The following PABPC4L variants were observed in gnomAD, a reference collection of about 807,000 sequenced individuals.
The protein encoded by PABPC4L is polyadenylate-binding protein 4-like.
For synonymous variants in PABPC4L, 169 were observed against 164.1 expected, an observed-to-expected ratio of 1.03 and a Z score of -0.23; for missense variants, 452 against 451.4, an observed-to-expected ratio of 1.00 and a Z score of -0.01.
the PABPC4L span, among the ~76,000 whole-genome samples, chr4:134,062,097 T>A: frequency 6.6e-6 from 1 of 151,332 alleles, no homozygotes. Context: ...ATAGGAAATG[T>A]ATGAAAAAGA....
the PABPC4L span, among the ~76,000 whole-genome samples, chr4:133,974,915 AGC>A: frequency 3.3e-5 from 5 of 152,250 alleles, no homozygotes; most frequent in South Asian, 6.2e-4. Flanking sequence ...AGGATTATAC[AGC>A]CTCTTTGGAA....
chr4:134,187,319 T>C, the PABPC4L span, among the ~76,000 whole-genome samples: 1 of 151,714 alleles, frequency 6.6e-6, no homozygotes, highest in Non-Finnish European at 1.5e-5. Flanking sequence ...ATAGACTGGA[T>C]TAAGAAAATT....
At chr4:134,142,815 G>A in the PABPC4L span, among the ~76,000 whole-genome samples, 2 of 151,528 alleles carry the variant, frequency 1.3e-5, no homozygotes, top group African/African-American at 4.8e-5. Context: ...GTGCAGACAG[G>A]AAAAATTTAA....
At chr4:134,188,043 C>A in the PABPC4L span, among the ~76,000 whole-genome samples, 24 of 151,836 alleles carry the variant, frequency 1.6e-4, no homozygotes, top group Admixed American at 1.6e-3. Flanking sequence ...AAGCATTTTA[C>A]ATAGTTCTAT....
At chr4:134,068,060 G>A in the PABPC4L span, among the ~76,000 whole-genome samples, 3 of 152,054 alleles carry the variant, frequency 2.0e-5, no homozygotes, top group Non-Finnish European at 4.4e-5. Flanking sequence ...TTGAGATCAG[G>A]TCGTGAATAT....
the PABPC4L span, among the ~76,000 whole-genome samples, chr4:133,958,208 A>T: frequency 6.6e-6 from 1 of 152,200 alleles, no homozygotes; most frequent in African/African-American, 2.4e-5. Flanking sequence ...TTTCAAGTTC[A>T]AAGTTTTACA....
chr4:134,012,150 T>C, the PABPC4L span, among the ~76,000 whole-genome samples: 1 of 152,170 alleles, frequency 6.6e-6, no homozygotes, highest in South Asian at 2.1e-4. Flanking sequence ...TCTTCATCTG[T>C]AAAACTGGTA....
chr4:134,195,265 A>G (rs1171356880), downstream of PABPC4L, among the ~76,000 whole-genome samples: 1 of 151,734 alleles, frequency 6.6e-6, no homozygotes, highest in Non-Finnish European at 1.5e-5. Flanking sequence ...GTTTACTTTA[A>G]CTTCAAGGAA....
At chr4:134,060,142 A>T in the PABPC4L span, among the ~76,000 whole-genome samples, 1 of 152,090 alleles carries the variant, frequency 6.6e-6, no homozygotes, top group Non-Finnish European at 1.5e-5. Flanking sequence ...TGGAGATAGC[A>T]TTTAGACCAG....
At chr4:133,986,903 T>G in the PABPC4L span, among the ~76,000 whole-genome samples, 1 of 151,998 alleles carries the variant, frequency 6.6e-6, no homozygotes, top group Non-Finnish European at 1.5e-5. Flanking sequence ...GCCCTGCTAA[T>G]TTTTGCATTT....
chr4:134,077,098 C>A, the PABPC4L span, among the ~76,000 whole-genome samples: 1 of 152,094 alleles, frequency 6.6e-6, no homozygotes, highest in South Asian at 2.1e-4. Flanking sequence ...TCTACATCTT[C>A]TATTGTGCTT....
chr4:133,993,827 A>G, the PABPC4L span, among the ~76,000 whole-genome samples: 1 of 152,188 alleles, frequency 6.6e-6, no homozygotes, highest in South Asian at 2.1e-4. Context: ...GTGGGCTCGA[A>G]TATGTGTGAT....
the PABPC4L span, among the ~76,000 whole-genome samples, chr4:134,027,175 A>G: frequency 1.3e-5 from 2 of 152,156 alleles, no homozygotes; most frequent in East Asian, 1.9e-4. Context: ...ATAAGCACCC[A>G]TGCAGCTTCT....
chr4:134,102,849 A>C, the PABPC4L span, among the ~76,000 whole-genome samples: 1 of 151,528 alleles, frequency 6.6e-6, no homozygotes, highest in Non-Finnish European at 1.5e-5. Flanking sequence ...TATGTTTATA[A>C]GTACATGTAA....
At chr4:133,976,870 C>T in the PABPC4L span, among the ~76,000 whole-genome samples, 1 of 151,866 alleles carries the variant, frequency 6.6e-6, no homozygotes, top group African/African-American at 2.4e-5. Context: ...AGACCTTTGT[C>T]AGATGGATAG....
chr4:133,953,019 T>C, the PABPC4L span, among the ~76,000 whole-genome samples: 1 of 152,172 alleles, frequency 6.6e-6, no homozygotes, highest in Non-Finnish European at 1.5e-5. Flanking sequence ...TTTTATTTTT[T>C]CCCCTTCTGG....
the PABPC4L span, among the ~76,000 whole-genome samples, chr4:133,971,357 C>T: frequency 1.3e-5 from 2 of 151,922 alleles, no homozygotes; most frequent in Non-Finnish European, 1.5e-5. Context: ...GTGATCCGCC[C>T]GCCTCATTCT....
At chr4:134,085,293 A>C in the PABPC4L span, among the ~76,000 whole-genome samples, 4 of 152,246 alleles carry the variant, frequency 2.6e-5, no homozygotes, top group South Asian at 2.1e-4. Context: ...ATGTATGTAC[A>C]TATCATATGT....
chr4:134,027,827 T>G, the PABPC4L span, among the ~76,000 whole-genome samples: 7 of 152,190 alleles, frequency 4.6e-5, no homozygotes, highest in Admixed American at 4.6e-4. Context: ...GAATGTCCTC[T>G]TCAGTTGAAT....
Sources: allele counts gnomAD v4.1 joint callset (sites outside exome capture counted in the v4.1 genomes callset), GRCh38; gene constraint gnomAD v4.1.1; transcripts MANE v1.5; gene names NCBI Gene and HGNC (gene_info 2026-07-23, HGNC 2026-07-21).